The following FRMPD1 variants were observed in gnomAD, a reference collection of about 807,000 sequenced individuals.
FRMPD1 encodes FERM and PDZ domain containing 1, also known as FERM and PDZ domain-containing protein 1.
Under a neutral mutation model 117.8 loss-of-function variants are expected in FRMPD1, and 76 were observed. The ratio of observed to expected loss-of-function variants is 0.65; its 90% CI spans 0.54 to 0.78. The LOEUF is 0.78. FRMPD1 is among the 30% of genes least tolerant of loss of function. The pLI, the probability that FRMPD1 is intolerant of heterozygous loss-of-function variation, is 0.00. For synonymous variants in FRMPD1, 783 were observed against 770.4 expected, an observed-to-expected ratio of 1.02 and a Z score of -0.27; for missense variants, 1,786 against 1,964.5, an observed-to-expected ratio of 0.91 and a Z score of 1.72.
chr9:37,618,709 C>T, the FRMPD1 span, among the ~76,000 whole-genome samples: 1 of 152,112 alleles, frequency 6.6e-6, no homozygotes, highest in African/African-American at 2.4e-5. Context: ...TACTGCAGTT[C>T]CCTCAAACAC....
At chr9:37,702,550 C>G (rs574348118) in intron 2 of FRMPD1, among the ~76,000 whole-genome samples, 1 of 152,226 alleles carries the variant, frequency 6.6e-6, no homozygotes, top group Non-Finnish European at 1.5e-5. Flanking sequence ...CTCACACTTT[C>G]TGCAGAGGCA....
At chr9:37,637,310 C>A in the FRMPD1 span, 5 of 1,217,508 alleles carry the variant, frequency 4.1e-6, no homozygotes, top group East Asian at 9.3e-5. Context: ...GGCGGAAGCC[C>A]GCTCAGTCGC....
At chr9:37,616,115 C>CA in the FRMPD1 span, among the ~76,000 whole-genome samples, 1 of 131,104 alleles carries the variant, frequency 7.6e-6, no homozygotes, top group South Asian at 2.6e-4. Flanking sequence ...CTGTGCCCAG[C>CA]CCTTTTTTTT....
At chr9:37,638,473 G>T in the FRMPD1 span, among the ~76,000 whole-genome samples, 3 of 152,154 alleles carry the variant, frequency 2.0e-5, no homozygotes, top group Non-Finnish European at 4.4e-5. Context: ...CTGCCCACCT[G>T]TCTGATTATA....
At position 37,653,197 on chromosome 9, in the gene FRMPD1, G is replaced by T. The variant is rs568132902; in HGVS notation, c.-5+2103G>T. Among the ~76,000 whole-genome samples the T allele has an allele frequency of 7.2e-5, 11 of 152,216 alleles. No individual in the cohort carries two copies. In the South Asian group the frequency reaches 2.3e-3, roughly 32 times the overall value. On this transcript the variant is annotated intron_variant, in intron 1 of 15. Coordinates refer to ENST00000377765, the MANE Select transcript of FRMPD1 (RefSeq NM_014907.3). ...CCTCCGAGCGTCACTTTTTTAATTC[G>T]TAAAACGGGAATAATAATAATTCCA...
At chr9:37,652,311 C>T (rs1423047520) in intron 1 of FRMPD1, among the ~76,000 whole-genome samples, 1 of 152,126 alleles carries the variant, frequency 6.6e-6, no homozygotes, top group African/African-American at 2.4e-5. Flanking sequence ...GGTTAAGGAG[C>T]CAAGTTCATC....
At chr9:37,617,281 C>T in the FRMPD1 span, among the ~76,000 whole-genome samples, 16 of 152,232 alleles carry the variant, frequency 1.1e-4, no homozygotes, top group African/African-American at 3.6e-4. Flanking sequence ...CAGGCCTCTT[C>T]TGTCCTCCAG....
At chr9:37,697,375 AAC>A (rs903014086) in intron 2 of FRMPD1, among the ~76,000 whole-genome samples, 3 of 152,104 alleles carry the variant, frequency 2.0e-5, no homozygotes, top group African/African-American at 7.2e-5. Context: ...CATTCTGGCT[AAC>A]ACGGTGAAAT....
At chr9:37,663,591 A>G (rs571466804) in intron 1 of FRMPD1, among the ~76,000 whole-genome samples, 1 of 152,278 alleles carries the variant, frequency 6.6e-6, no homozygotes, top group African/African-American at 2.4e-5. Context: ...TAAAACTCCT[A>G]GTTATCTTTC....
At chr9:37,652,732 T>C (rs1820716197) in intron 1 of FRMPD1, among the ~76,000 whole-genome samples, 1 of 152,210 alleles carries the variant, frequency 6.6e-6, no homozygotes, top group Non-Finnish European at 1.5e-5. Context: ...TATTGGTTCA[T>C]CAAGCACTTT....
intron 5 of FRMPD1, among the ~76,000 whole-genome samples, chr9:37,718,585 G>A (rs1823252937): frequency 1.3e-5 from 2 of 152,170 alleles, no homozygotes. Context: ...AAGTCATAAG[G>A]GTCAGAGTTT....
intron 5 of FRMPD1, among the ~76,000 whole-genome samples, chr9:37,714,147 A>G (rs749008566): frequency 1.3e-5 from 2 of 152,242 alleles, no homozygotes; most frequent in East Asian, 1.9e-4. Context: ...GAATTTGTCT[A>G]TTAAATAATG....
At position 37,729,717 on chromosome 9, in the gene FRMPD1, G is replaced by C. The variant is rs775195816; in HGVS notation, c.613-11G>C. 3.1e-6 allele frequency: 5 copies of C among 1,613,422 alleles called. No homozygotes were observed. Among genetic ancestry groups the C allele is most frequent in the Non-Finnish European group, 4.2e-6 (5 of 1,179,714 alleles). ...TCTTGCGTAACTCCTGCACCTCTCTGTGCCTGCTAGGACATCATCCTCACC... is the reference window on the plus strand; with the variant it reads ...TCTTGCGTAACTCCTGCACCTCTCTCTGCCTGCTAGGACATCATCCTCACC... On this transcript the variant is annotated splice_polypyrimidine_tract_variant and intron_variant, in intron 7 of 15. Transcript: ENST00000377765.
chr9:37,735,490 C>T, intron 12 of FRMPD1, 62 bp from the exon 13 acceptor site: 1 of 1,252,320 alleles, frequency 8.0e-7, no homozygotes, highest in South Asian at 1.3e-5. Flanking sequence ...TTATTGCTTA[C>T]ATGTGAAATG....
intron 2 of FRMPD1, among the ~76,000 whole-genome samples, chr9:37,701,647 A>C (rs1822538502): frequency 6.6e-6 from 1 of 152,044 alleles, no homozygotes; most frequent in Non-Finnish European, 1.5e-5. Context: ...AAAAATATCA[A>C]AGAGAATGAA....
At chr9:37,646,297 G>A (rs1389136529), upstream of FRMPD1, among the ~76,000 whole-genome samples, 1 of 152,210 alleles carries the variant, frequency 6.6e-6, no homozygotes, top group African/African-American at 2.4e-5. Flanking sequence ...GAAGGCTTAA[G>A]TCTGTAGTAG....
Position 37,740,079 on chromosome 9 carries a change from C to T in FRMPD1, c.1551C>T (p.Gly517=). 3 of 1,590,492 alleles carry T rather than the reference C, an allele frequency of 1.9e-6. No individual in the cohort carries two copies. Among genetic ancestry groups the T allele is most frequent in the Non-Finnish European group, 2.6e-6 (3 of 1,167,406 alleles). The change falls in exon 15 of 16, where the codon GGC becomes GGT. Residue 517 remains glycine (G), a splice_region_variant and synonymous_variant. Coordinates refer to ENST00000377765, the MANE Select transcript of FRMPD1 (RefSeq NM_014907.3). The surrounding 1 kb of genome is among the most constrained non-coding windows in gnomAD (Gnocchi z 4.2). ...CTGTTGCTGTACCCTGTGTTGCAGG[C>T]TATGAATCCAGGGCCTGCAGTGACT... ...QQAHRVSAEE[G]YESRACSDSE...
upstream of FRMPD1, among the ~76,000 whole-genome samples, chr9:37,646,252 C>G (rs1048874615): frequency 1.3e-5 from 2 of 152,226 alleles, no homozygotes; most frequent in African/African-American, 2.4e-5. Context: ...CTTAACCAAA[C>G]CGTTTCATCC....
chr9:37,650,516 G>A (rs926802482), upstream of FRMPD1, among the ~76,000 whole-genome samples: 2 of 152,200 alleles, frequency 1.3e-5, no homozygotes, highest in African/African-American at 4.8e-5. Context: ...GGGCGTGGGG[G>A]TCAGGGGGCG....
Sources: allele counts gnomAD v4.1 joint callset (sites outside exome capture counted in the v4.1 genomes callset), GRCh38; gene constraint gnomAD v4.1.1; non-coding constraint Gnocchi (gnomAD v3.1); transcripts MANE v1.5; gene names NCBI Gene and HGNC (gene_info 2026-07-23, HGNC 2026-07-21).